RBFOX1: variants seen among roughly 807,000 people sequenced by gnomAD.
RBFOX1 encodes RNA binding protein fox-1 homolog 1.
Under a neutral mutation model 57.7 loss-of-function variants are expected in RBFOX1, and 8 were observed. That is an observed-to-expected ratio of 0.14 (90% confidence interval 0.08 to 0.25). RBFOX1 has a LOEUF of 0.25. Ranked by LOEUF, RBFOX1 falls within the 10% of genes least tolerant of loss-of-function variation. The probability of loss-of-function intolerance (pLI) is 1.00; values close to 1 mark genes in which losing one functional copy is unlikely to be tolerated. For synonymous variants in RBFOX1, 326 were observed against 222.4 expected, an observed-to-expected ratio of 1.47 and a Z score of -4.15; for missense variants, 611 against 548.5, an observed-to-expected ratio of 1.11 and a Z score of -1.14.
In RBFOX1 at chr16:7,488,269, G is replaced by C. The variant is rs149695341; in HGVS notation, c.28-29878G>C. Among the ~76,000 whole-genome samples the C allele has an allele frequency of 1.8e-3, 272 of 152,280 alleles. 1 individual carries two copies. Among genetic ancestry groups the C allele is most frequent in the African/African-American group, 6.2e-3 (257 of 41,560 alleles). ...CTGGTGTTGTTCTGGCATGGTGAAA[G>C]GGATGGCTGTGCAGTTTCCCTTTCT... On this transcript the variant is annotated intron_variant, in intron 4 of 15. Coordinates refer to ENST00000550418, the MANE Select transcript of RBFOX1 (RefSeq NM_018723.4).
At chr16:5,939,774 ATAATTGAAATGTT>A (rs2059243343) in intron 4 of RBFOX1, among the ~76,000 whole-genome samples, 1 of 152,212 alleles carries the variant, frequency 6.6e-6, no homozygotes, top group Non-Finnish European at 1.5e-5. Flanking sequence ...CCTCACATAG[ATAATTGAAATGTT>A]TAAGGAGATT....
chr16:6,211,644 G>C (rs2097298833), intron 1 of RBFOX1, among the ~76,000 whole-genome samples: 1 of 152,080 alleles, frequency 6.6e-6, no homozygotes, highest in Admixed American at 6.5e-5. Context: ...AAAGCAAGCT[G>C]AGAGAAGTAC....
At chr16:7,145,947 C>T (rs927716690) in intron 4 of RBFOX1, among the ~76,000 whole-genome samples, 1 of 152,160 alleles carries the variant, frequency 6.6e-6, no homozygotes, top group Non-Finnish European at 1.5e-5. Flanking sequence ...CAGGTGCACC[C>T]TCCTTCACTA....
intron 3 of RBFOX1, among the ~76,000 whole-genome samples, chr16:5,697,402 A>G (rs774392005): frequency 3.3e-5 from 5 of 151,064 alleles, no homozygotes; most frequent in Admixed American, 6.6e-5. Flanking sequence ...TATAATACAT[A>G]GTGTTATATA....
At chr16:5,551,103 T>A (rs78038475) in intron 2 of RBFOX1, among the ~76,000 whole-genome samples, 1 of 152,176 alleles carries the variant, frequency 6.6e-6, no homozygotes, top group Non-Finnish European at 1.5e-5. Flanking sequence ...AGGTTTCTCC[T>A]GCCACTCTTG....
At chr16:7,194,589 T>A (rs764960487) in intron 4 of RBFOX1, among the ~76,000 whole-genome samples, 1 of 152,166 alleles carries the variant, frequency 6.6e-6, no homozygotes, top group South Asian at 2.1e-4. Context: ...CCATTCTGTT[T>A]TCTACCCCTT....
chr16:6,157,390 C>G (rs776889276), intron 1 of RBFOX1, among the ~76,000 whole-genome samples: 64 of 152,056 alleles, frequency 4.2e-4, no homozygotes, highest in Non-Finnish European at 6.6e-4. Context: ...AATATTTTTC[C>G]TTAGTATCAG....
At chr16:6,746,843 T>A (rs1019654146) in intron 3 of RBFOX1, among the ~76,000 whole-genome samples, 29 of 152,136 alleles carry the variant, frequency 1.9e-4, no homozygotes, top group African/African-American at 7.0e-4. Context: ...ATGTGAGATT[T>A]TATTAAGCAT....
chr16:5,376,742 C>G (rs2065994555), intron 1 of RBFOX1, among the ~76,000 whole-genome samples: 1 of 151,732 alleles, frequency 6.6e-6, no homozygotes, highest in Non-Finnish European at 1.5e-5. Flanking sequence ...TTTGGCAGCA[C>G]CCATGACTGT....
At chr16:7,639,800 A>C (rs904171381) in intron 11 of RBFOX1, among the ~76,000 whole-genome samples, 3 of 152,016 alleles carry the variant, frequency 2.0e-5, no homozygotes, top group African/African-American at 7.2e-5. Flanking sequence ...TATTTGCTTC[A>C]CCAAACCCAT....
chr16:5,915,618 G>C (rs1379812145), intron 4 of RBFOX1, among the ~76,000 whole-genome samples: 6 of 152,120 alleles, frequency 3.9e-5, no homozygotes, highest in African/African-American at 7.2e-5. Context: ...GATCACCTGA[G>C]GTCAGGAGTT....
At chr16:6,884,828 G>T (rs2063657448) in intron 3 of RBFOX1, among the ~76,000 whole-genome samples, 1 of 152,282 alleles carries the variant, frequency 6.6e-6, no homozygotes, top group South Asian at 2.1e-4. Context: ...AACTCAGGAG[G>T]TGGAGGTGGC....
At chr16:5,252,449 T>C (rs1436035473) in intron 1 of RBFOX1, among the ~76,000 whole-genome samples, 1 of 152,160 alleles carries the variant, frequency 6.6e-6, no homozygotes, top group Non-Finnish European at 1.5e-5. Flanking sequence ...CGTATGAGAG[T>C]TCCGTGTGGG....
intron 2 of RBFOX1, among the ~76,000 whole-genome samples, chr16:6,552,963 T>A (rs970049133): frequency 1.1e-4 from 16 of 152,272 alleles, no homozygotes; most frequent in African/African-American, 2.6e-4. Flanking sequence ...AAAAATTTTT[T>A]AAAAAGTATC....
At chr16:6,815,378 A>T (rs939644097) in intron 3 of RBFOX1, among the ~76,000 whole-genome samples, 2 of 152,152 alleles carry the variant, frequency 1.3e-5, no homozygotes. Context: ...CCTTCTGGGA[A>T]TGCAGCCCAG....
chr16:7,256,798 G>T (rs895743440), intron 4 of RBFOX1, among the ~76,000 whole-genome samples: 1 of 152,150 alleles, frequency 6.6e-6, no homozygotes, highest in Non-Finnish European at 1.5e-5. Flanking sequence ...TCTTGGACCA[G>T]TCACCAGCTC....
chr16:7,275,932 A>T (rs779843080), intron 4 of RBFOX1, among the ~76,000 whole-genome samples: 25 of 152,124 alleles, frequency 1.6e-4, no homozygotes, highest in Non-Finnish European at 2.5e-4. Flanking sequence ...CTTAGAAGTA[A>T]TCTCCAAACA....
chr16:7,589,009 T>G (rs1051843432), intron 7 of RBFOX1, among the ~76,000 whole-genome samples: 26 of 152,254 alleles, frequency 1.7e-4, no homozygotes, highest in Non-Finnish European at 8.8e-5. Flanking sequence ...CCAGATATTT[T>G]ACAATCGTTC....
chr16:6,913,558 G>A (rs79978197), intron 3 of RBFOX1, among the ~76,000 whole-genome samples: 6,035 of 152,220 alleles, frequency 0.04, 297 homozygotes, highest in East Asian at 0.18. Context: ...TGTTCAGGGT[G>A]TCTTTTGAAG....
Sources: allele counts gnomAD v4.1 joint callset (sites outside exome capture counted in the v4.1 genomes callset), GRCh38; gene constraint gnomAD v4.1.1; transcripts MANE v1.5; gene names NCBI Gene and HGNC (gene_info 2026-07-23, HGNC 2026-07-21).